Variants in ABLIM2 observed in about 807,000 individuals in gnomAD.
The protein encoded by ABLIM2 is actin binding LIM protein family member 2, also known as actin-binding LIM protein 2.
In ABLIM2, 53 loss-of-function variants were observed where a neutral mutation model predicts 97.7. The observed-to-expected ratio is 0.54, with a 90% confidence interval of 0.44 to 0.68. The LOEUF (loss-of-function observed/expected upper bound fraction) is 0.68, where lower values mean the gene tolerates loss of function less well. Among genes scored for constraint, ABLIM2 ranks in the 30% least tolerant of loss-of-function variants. The pLI, the probability that ABLIM2 is intolerant of heterozygous loss-of-function variation, is 0.00. For synonymous variants in ABLIM2, 361 were observed against 345.8 expected (o/e 1.04, Z -0.49); for missense variants, 835 against 867.2 (o/e 0.96, Z 0.47).
At chr4:8,133,470 G>A (rs1849720214) in intron 1 of ABLIM2, among the ~76,000 whole-genome samples, 1 of 152,144 alleles carries the variant, frequency 6.6e-6, no homozygotes, top group African/African-American at 2.4e-5. Flanking sequence ...GAGACGGGAG[G>A]TCCCCACCCC....
rs1848356508 is a variant in ABLIM2 at position 8,127,190 on chromosome 4, C to A, written c.11-20553G>T. Among the ~76,000 whole-genome samples the A allele has an allele frequency of 6.6e-6, 1 of 152,084 alleles. No homozygotes were observed. Among genetic ancestry groups the A allele is most frequent in the African/African-American group, 2.4e-5 (1 of 41,422 alleles). On this transcript the variant is annotated intron_variant, in intron 1 of 20. Coordinates refer to ENST00000447017, the MANE Select transcript of ABLIM2 (RefSeq NM_001130083.2). The surrounding 1 kb of genome is among the most constrained non-coding windows in gnomAD (Gnocchi z 7.3). Reference sequence around the variant, plus strand: ...AAAAAGAAAAGGGAGGGAGGGAGGCCCAGACGCTGTGGTCAGTGGGTGCTG... The same window carrying A: ...AAAAAGAAAAGGGAGGGAGGGAGGCACAGACGCTGTGGTCAGTGGGTGCTG...
At chr4:8,146,809 T>C (rs1161634313) in intron 1 of ABLIM2, among the ~76,000 whole-genome samples, 2 of 152,166 alleles carry the variant, frequency 1.3e-5, no homozygotes, top group African/African-American at 4.8e-5. Context: ...GGATTACAGG[T>C]GTGAGCCACC....
At chr4:8,153,566 G>A (rs1713849076) in intron 1 of ABLIM2, among the ~76,000 whole-genome samples, 1 of 152,202 alleles carries the variant, frequency 6.6e-6, no homozygotes, top group South Asian at 2.1e-4. Flanking sequence ...GTGGAGTCAG[G>A]CAGGGAAAAT....
At chr4:8,142,430 A>G (rs1222190645) in intron 1 of ABLIM2, among the ~76,000 whole-genome samples, 1 of 152,138 alleles carries the variant, frequency 6.6e-6, no homozygotes, top group Non-Finnish European at 1.5e-5. Flanking sequence ...CTTCGGGCAC[A>G]GAGGGCACAT....
intron 10 of ABLIM2, among the ~76,000 whole-genome samples, chr4:8,031,006 G>A (rs1780591257): frequency 6.6e-6 from 1 of 152,254 alleles, no homozygotes; most frequent in African/African-American, 2.4e-5. Flanking sequence ...AAGGAGCCAA[G>A]CGGAGAAGCC....
At chr4:8,018,755 C>T (rs1337340605) in intron 14 of ABLIM2, among the ~76,000 whole-genome samples, 1 of 152,186 alleles carries the variant, frequency 6.6e-6, no homozygotes, top group African/African-American at 2.4e-5. Context: ...TACATCTGGA[C>T]AAGAACGTTT....
chr4:8,145,038 G>T (rs1229972736), intron 1 of ABLIM2, among the ~76,000 whole-genome samples: 1 of 152,154 alleles, frequency 6.6e-6, no homozygotes, highest in African/African-American at 2.4e-5. Flanking sequence ...ACCTGGGGCG[G>T]GTCGTGCCTC....
intron 6 of ABLIM2, among the ~76,000 whole-genome samples, chr4:8,073,892 A>G (rs909809011): frequency 3.9e-5 from 6 of 151,930 alleles, no homozygotes; most frequent in Non-Finnish European, 5.9e-5. Flanking sequence ...GTTCGAGACC[A>G]GCCTGCCAAC....
chr4:8,107,344 G>A lies in ABLIM2; in HGVS notation c.11-707C>T, dbSNP rs559789536. Among the ~76,000 whole-genome samples the A allele has an allele frequency of 1.3e-4, 20 of 152,372 alleles. No individual in the cohort carries two copies. In the East Asian group the frequency reaches 2.3e-3, roughly 18 times the overall value. On this transcript the variant is annotated intron_variant, in intron 1 of 20. Transcript: ENST00000447017. ...TCCCAAAGCATCTGCAGAGACCAGC[G>A]CCCAGGACAGAGGGCCACGGCCCAG...
intron 9 of ABLIM2, among the ~76,000 whole-genome samples, chr4:8,036,634 A>T (rs1784643410): frequency 6.6e-6 from 1 of 152,238 alleles, no homozygotes; most frequent in Non-Finnish European, 1.5e-5. Flanking sequence ...CAGCCACAAA[A>T]GAGCCAGTAG....
chr4:8,097,323 A>C (rs755893562), intron 2 of ABLIM2, 41 bp from the exon 3 acceptor site: 1 of 1,546,064 alleles, frequency 6.5e-7, no homozygotes, highest in African/African-American at 1.4e-5. Context: ...GGCAGAGGGG[A>C]CCATCTCCAC....
chr4:8,045,982 C>T (rs1445943784), intron 8 of ABLIM2, among the ~76,000 whole-genome samples: 2 of 152,160 alleles, frequency 1.3e-5, no homozygotes, highest in Non-Finnish European at 2.9e-5. Context: ...CCATGGGCCC[C>T]CAAGCCTTTC....
At chr4:8,074,379 G>A (rs988566224) in intron 6 of ABLIM2, among the ~76,000 whole-genome samples, 20 of 152,178 alleles carry the variant, frequency 1.3e-4, no homozygotes, top group Non-Finnish European at 2.6e-4. Flanking sequence ...TTGAGCTCAA[G>A]AGGTCGAGGC....
In ABLIM2 at chr4:8,128,175, C is replaced by G. The variant is rs962654012; in HGVS notation, c.11-21538G>C. 6.6e-6 allele frequency among the ~76,000 whole-genome samples: 1 copy of G among 152,166 alleles called. No homozygotes were observed. The highest frequency in any genetic ancestry group is 1.5e-5 in the Non-Finnish European group (1 of 68,022). ...CTGTTTCTGCCCCCACCTTCACAGG[C>G]CGTCTTCCCTGTGTGTCTCTGCGTG... On this transcript the variant is annotated intron_variant, in intron 1 of 20. Coordinates refer to ENST00000447017, the MANE Select transcript of ABLIM2 (RefSeq NM_001130083.2). This position sits in a 1 kb window ranked among gnomAD's most constrained non-coding sequence, Gnocchi z 4.9.
At chr4:8,117,726 T>C (rs554239495) in intron 1 of ABLIM2, among the ~76,000 whole-genome samples, 1 of 152,218 alleles carries the variant, frequency 6.6e-6, no homozygotes, top group East Asian at 1.9e-4. Flanking sequence ...CTAACCGTAC[T>C]GGGATGACTT....
chr4:8,134,464 G>GC (rs900911071), intron 1 of ABLIM2, among the ~76,000 whole-genome samples: 1 of 152,156 alleles, frequency 6.6e-6, no homozygotes, highest in Non-Finnish European at 1.5e-5. Flanking sequence ...GCTCGGCCCA[G>GC]CCCCCGTCGG....
intron 17 of ABLIM2, 149 bp from the exon 18 acceptor site, chr4:7,985,042 CAGA>C: frequency 8.0e-6 from 6 of 752,376 alleles, no homozygotes; most frequent in Non-Finnish European, 1.3e-5. Flanking sequence ...TGGGGCGTGA[CAGA>C]AGGACAGCAA....
intron 20 of ABLIM2, among the ~76,000 whole-genome samples, chr4:7,967,870 T>C (rs1160261815): frequency 1.3e-5 from 2 of 152,250 alleles, no homozygotes; most frequent in Non-Finnish European, 2.9e-5. Flanking sequence ...GGCTGTGGAC[T>C]GTACCCGTGG....
At chr4:8,012,193 C>T (rs1281391074) in intron 14 of ABLIM2, among the ~76,000 whole-genome samples, 1 of 151,026 alleles carries the variant, frequency 6.6e-6, no homozygotes, top group Non-Finnish European at 1.5e-5. Context: ...ATCCATCCAT[C>T]TACCCATTCA....
Sources: allele counts gnomAD v4.1 joint callset (sites outside exome capture counted in the v4.1 genomes callset), GRCh38; gene constraint gnomAD v4.1.1; non-coding constraint Gnocchi (gnomAD v3.1); transcripts MANE v1.5; gene names NCBI Gene and HGNC (gene_info 2026-07-23, HGNC 2026-07-21).